Variants in CFAP299 observed in about 807,000 individuals in gnomAD.
The protein encoded by CFAP299 is cilia- and flagella-associated protein 299.
In CFAP299, 21 loss-of-function variants were observed where a neutral mutation model predicts 27.0. The observed-to-expected ratio is 0.78, with a 90% CI of 0.55 to 1.12. The LOEUF (loss-of-function observed/expected upper bound fraction) is 1.12, where lower values mean the gene tolerates loss of function less well. CFAP299 is among the 50% of genes most tolerant of loss of function. The pLI is 0.00. For synonymous variants in CFAP299, 104 were observed against 98.1 expected (o/e 1.06, Z -0.36); for missense variants, 310 against 276.6 (o/e 1.12, Z -0.86).
chr4:80,876,476 G>C (rs1293529859), intron 4 of CFAP299, among the ~76,000 whole-genome samples: 1 of 152,094 alleles, frequency 6.6e-6, no homozygotes, highest in African/African-American at 2.4e-5. Flanking sequence ...TAAGTTTCCT[G>C]AGGCCTCCCC....
At position 80,946,106 on chromosome 4, in the gene CFAP299, A is replaced by G. The variant is rs150818626; in HGVS notation, c.606+1167A>G. On this transcript the variant is annotated intron_variant, in intron 5 of 5. Coordinates refer to ENST00000358105, the MANE Select transcript of CFAP299 (RefSeq NM_152770.3). ...AGGCAGAACTCCGTCTCAAAAAAAAAAAAAAATGCTAAATAACCATGTCTT... is the reference window on the plus strand; with the variant it reads ...AGGCAGAACTCCGTCTCAAAAAAAAGAAAAAATGCTAAATAACCATGTCTT... Among the ~76,000 whole-genome samples the G allele has an allele frequency of 2.3e-3, 347 of 152,174 alleles. 2 individuals carry two copies. The highest frequency in any genetic ancestry group is 6.0e-3 in the Admixed American group (92 of 15,266).
In CFAP299 at chr4:80,838,214, C is replaced by T. The variant is rs576911775; in HGVS notation, c.334-31779C>T. On this transcript the variant is annotated intron_variant, in intron 3 of 5. Transcript: ENST00000358105. The stretch of plus-strand genomic sequence containing the variant: ...AATTTTTCTCCCATTCTGTAGGTTG[C>T]CTGTTCACTCTGATGATAGTTTCTT... Among the ~76,000 whole-genome samples the T allele has an allele frequency of 3.8e-3, 580 of 152,176 alleles. 1 individual carries two copies. The highest frequency in any genetic ancestry group is 0.01 in the Middle Eastern group (3 of 294).
intron 4 of CFAP299, among the ~76,000 whole-genome samples, chr4:80,927,688 G>A (rs1327903350): frequency 6.6e-6 from 1 of 152,046 alleles, no homozygotes; most frequent in African/African-American, 2.4e-5. Context: ...GAGTCCCATG[G>A]CCCCTGTATC....
At chr4:80,687,847 G>A (rs957830606) in intron 3 of CFAP299, among the ~76,000 whole-genome samples, 5 of 152,220 alleles carry the variant, frequency 3.3e-5, no homozygotes, top group South Asian at 2.1e-4. Context: ...TGCGCAAGCC[G>A]AAGCAGGGCG....
At chr4:80,689,037 C>T (rs1310718559) in intron 3 of CFAP299, among the ~76,000 whole-genome samples, 2 of 152,084 alleles carry the variant, frequency 1.3e-5, no homozygotes, top group African/African-American at 4.8e-5. Context: ...AAATATGGGA[C>T]TATGTGAAAA....
chr4:80,669,729 TG>T (rs1368525356), intron 3 of CFAP299, among the ~76,000 whole-genome samples: 2 of 152,078 alleles, frequency 1.3e-5, no homozygotes, highest in African/African-American at 4.8e-5. Context: ...AATATTATGC[TG>T]AATATAAGTG....
chr4:80,728,343 G>C (rs979493473), intron 3 of CFAP299, among the ~76,000 whole-genome samples: 2 of 152,028 alleles, frequency 1.3e-5, no homozygotes, highest in Non-Finnish European at 2.9e-5. Flanking sequence ...ACACTAAAAA[G>C]TATTGTGGAA....
At chr4:80,514,136 T>C (rs1732459101) in intron 2 of CFAP299, among the ~76,000 whole-genome samples, 1 of 152,082 alleles carries the variant, frequency 6.6e-6, no homozygotes, top group South Asian at 2.1e-4. Context: ...GAAATTCCTT[T>C]CATGGTCAAA....
At chr4:80,593,596 CT>C (rs1231642398) in intron 3 of CFAP299, among the ~76,000 whole-genome samples, 4 of 152,122 alleles carry the variant, frequency 2.6e-5, no homozygotes, top group Non-Finnish European at 4.4e-5. Context: ...TTGGTCTTCT[CT>C]TTTTTTCCTG....
At chr4:80,766,360 C>T (rs1016278643) in intron 3 of CFAP299, among the ~76,000 whole-genome samples, 13 of 152,128 alleles carry the variant, frequency 8.5e-5, no homozygotes, top group South Asian at 4.1e-4. Context: ...CTTATACAGA[C>T]GAAAATAATT....
intron 2 of CFAP299, among the ~76,000 whole-genome samples, chr4:80,434,969 A>G (rs1727992095): frequency 6.6e-6 from 1 of 152,224 alleles, no homozygotes; most frequent in Non-Finnish European, 1.5e-5. Flanking sequence ...TTTTAGTGAA[A>G]TCTTTTTAAA....
rs1365849265 is a variant in CFAP299 at position 80,412,173 on chromosome 4, TG to T, written c.242+49291del. The stretch of plus-strand genomic sequence containing the variant: ...GTCCTGTACTGTGCTTCCCTTCTGT[TG>T]GAGACCACTTGCCTATCCAAACTTT... On this transcript the variant is annotated intron_variant, in intron 2 of 5. Transcript: ENST00000358105. Among the ~76,000 whole-genome samples the T allele has an allele frequency of 3.9e-5, 6 of 152,284 alleles. No individual in the cohort carries two copies. The East Asian group carries it at 1.2e-3, about 29-fold the overall frequency.
intron 2 of CFAP299, chr4:80,387,163 G>A (rs1725058028): frequency 7.4e-7 from 1 of 1,350,272 alleles, no homozygotes; most frequent in Non-Finnish European, 1.1e-6. Context: ...TGCCCTTCTT[G>A]GGGCTGTGCT....
intron 3 of CFAP299, among the ~76,000 whole-genome samples, chr4:80,616,209 G>A (rs898501747): frequency 6.6e-6 from 1 of 152,054 alleles, no homozygotes; most frequent in Non-Finnish European, 1.5e-5. Context: ...CTGGAAGCAG[G>A]CCCATGTGAC....
chr4:80,659,807 T>A (rs1438188150), intron 3 of CFAP299, among the ~76,000 whole-genome samples: 1 of 152,130 alleles, frequency 6.6e-6, no homozygotes, highest in Non-Finnish European at 1.5e-5. Flanking sequence ...CTGCATGAAT[T>A]TATTTCAAGG....
At chr4:80,823,481 T>C (rs1729816289) in intron 3 of CFAP299, among the ~76,000 whole-genome samples, 1 of 152,172 alleles carries the variant, frequency 6.6e-6, no homozygotes, top group South Asian at 2.1e-4. Context: ...GTACATTGGC[T>C]CAGCTAATTA....
chr4:80,680,236 C>A (rs1464434859), intron 3 of CFAP299, among the ~76,000 whole-genome samples: 2 of 151,938 alleles, frequency 1.3e-5, no homozygotes, highest in South Asian at 2.1e-4. Flanking sequence ...TGCCTCTTAA[C>A]CCCCTCCCTT....
chr4:80,934,741 C>A (rs1560483103), intron 4 of CFAP299, among the ~76,000 whole-genome samples: 1 of 151,922 alleles, frequency 6.6e-6, no homozygotes, highest in Non-Finnish European at 1.5e-5. Flanking sequence ...AAAATGTCTT[C>A]TCTTTCATTT....
chr4:80,864,108 T>C (rs1732545576), intron 3 of CFAP299, among the ~76,000 whole-genome samples: 2 of 152,066 alleles, frequency 1.3e-5, no homozygotes, highest in Admixed American at 1.3e-4. Flanking sequence ...TCCATAAATT[T>C]ACCAAAAATC....
Sources: gnomAD v4.1 joint callset for allele counts (sites outside exome capture counted in the v4.1 genomes callset) on GRCh38, gnomAD v4.1.1 for gene constraint, MANE v1.5 for transcripts, NCBI Gene and HGNC (gene_info 2026-07-23, HGNC 2026-07-21) for gene names.